LINGO2: variants seen among roughly 807,000 people sequenced by gnomAD.
The protein encoded by LINGO2 is leucine rich repeat and Ig domain containing 2, also known as leucine-rich repeat and immunoglobulin-like domain-containing nogo receptor-interacting protein 2.
LINGO2 carries 14 observed loss-of-function variants against 30.6 expected under a neutral mutation model. The ratio of observed to expected loss-of-function variants is 0.46; its 90% confidence interval spans 0.30 to 0.72. LINGO2 has a LOEUF of 0.72. Among genes scored for constraint, LINGO2 ranks in the 30% least tolerant of loss-of-function variants. The pLI is 0.07. For synonymous variants in LINGO2, 317 were observed against 288.5 expected (o/e 1.10, Z -1.00); for missense variants, 729 against 751.7 (o/e 0.97, Z 0.35).
At chr9:28,798,214 C>A in the LINGO2 span, among the ~76,000 whole-genome samples, 1 of 151,582 alleles carries the variant, frequency 6.6e-6, no homozygotes, top group Non-Finnish European at 1.5e-5. Flanking sequence ...GCCAGACAGA[C>A]AATTTTCTTT....
At chr9:29,044,950 T>G in the LINGO2 span, among the ~76,000 whole-genome samples, 1 of 152,122 alleles carries the variant, frequency 6.6e-6, no homozygotes, top group East Asian at 1.9e-4. Context: ...ATTAAAAAGT[T>G]TTGTAAATAT....
exon 6 of LINGO2, chr9:27,949,044 A>G: frequency 1.9e-6 from 3 of 1,614,084 alleles, no homozygotes; most frequent in Non-Finnish European, 2.5e-6. Flanking sequence ...AGCTGTAGAC[A>G]CCAGTATTGT....
chr9:28,604,905 A>T (rs964360060), intron 1 of LINGO2, among the ~76,000 whole-genome samples: 1 of 152,044 alleles, frequency 6.6e-6, no homozygotes, highest in African/African-American at 2.4e-5. Context: ...ACACTGTGCT[A>T]AGTACTCTTG....
At chr9:29,029,115 C>A in the LINGO2 span, among the ~76,000 whole-genome samples, 1 of 152,066 alleles carries the variant, frequency 6.6e-6, no homozygotes, top group Admixed American at 6.6e-5. Flanking sequence ...GAGGATTTAA[C>A]CTTTCATCTC....
In LINGO2 at chr9:27,961,552, A is replaced by C. The variant is rs146719507; in HGVS notation, c.-35-10846T>G. On this transcript the variant is annotated intron_variant, in intron 5 of 5. Coordinates refer to ENST00000379992, the Ensembl canonical transcript of LINGO2. ...GAAGAGGTAATTAGAGGAATGATTT[A>C]CAAGGGGCTTATACACTGTGATAAG... 1.9e-3 allele frequency among the ~76,000 whole-genome samples: 289 copies of C among 152,320 alleles called. 2 individuals carry two copies. Among genetic ancestry groups the C allele is most frequent in the Middle Eastern group, 0.014 (4 of 294 alleles).
chr9:28,252,986 G>C (rs1196936210), intron 4 of LINGO2, among the ~76,000 whole-genome samples: 1 of 151,762 alleles, frequency 6.6e-6, no homozygotes, highest in East Asian at 1.9e-4. Context: ...TATAATAAAG[G>C]TTTTGTAAGC....
chr9:28,871,331 C>G, the LINGO2 span, among the ~76,000 whole-genome samples: 1 of 151,178 alleles, frequency 6.6e-6, no homozygotes, highest in Non-Finnish European at 1.5e-5. Context: ...ATAATATAAG[C>G]TCATTGAAAA....
intron 5 of LINGO2, among the ~76,000 whole-genome samples, chr9:27,990,220 A>G (rs1052619848): frequency 1.3e-5 from 2 of 152,096 alleles, no homozygotes; most frequent in Non-Finnish European, 2.9e-5. Context: ...CAGCATTTCA[A>G]CAAGATTCAA....
intron 1 of LINGO2, among the ~76,000 whole-genome samples, chr9:28,661,214 T>C (rs1051363966): frequency 6.6e-6 from 1 of 152,276 alleles, no homozygotes; most frequent in African/African-American, 2.4e-5. Flanking sequence ...CTATTCTTTG[T>C]CTTGAAATCC....
At chr9:29,150,341 G>T in the LINGO2 span, among the ~76,000 whole-genome samples, 1 of 152,172 alleles carries the variant, frequency 6.6e-6, no homozygotes, top group South Asian at 2.1e-4. Context: ...ATCAGTGCAA[G>T]AACTCTGGCA....
intron 1 of LINGO2, among the ~76,000 whole-genome samples, chr9:28,613,690 G>A (rs1240904865): frequency 6.6e-6 from 1 of 152,098 alleles, no homozygotes; most frequent in Non-Finnish European, 1.5e-5. Flanking sequence ...AAGGGGGTAA[G>A]GCATAAAGTA....
the LINGO2 span, among the ~76,000 whole-genome samples, chr9:28,864,836 C>T: frequency 5.1e-4 from 78 of 151,964 alleles, no homozygotes; most frequent in African/African-American, 1.8e-3. Context: ...ATTTGTTTTG[C>T]GCTTATCATG....
chr9:28,338,280 A>G (rs752971117), intron 3 of LINGO2, among the ~76,000 whole-genome samples: 2 of 152,172 alleles, frequency 1.3e-5, no homozygotes, highest in Non-Finnish European at 2.9e-5. Context: ...TGTTTTGGCC[A>G]ATTTCTCCCA....
At chr9:28,848,679 T>C in the LINGO2 span, among the ~76,000 whole-genome samples, 2 of 151,562 alleles carry the variant, frequency 1.3e-5, no homozygotes, top group African/African-American at 4.8e-5. Flanking sequence ...TCTTATATTT[T>C]GAGATGACAC....
At chr9:28,698,492 T>C in the LINGO2 span, among the ~76,000 whole-genome samples, 2 of 152,084 alleles carry the variant, frequency 1.3e-5, no homozygotes, top group African/African-American at 4.8e-5. Flanking sequence ...GTTTTGGCAA[T>C]TGTTTTAAAT....
the LINGO2 span, among the ~76,000 whole-genome samples, chr9:28,806,235 T>G: frequency 6.6e-6 from 1 of 152,286 alleles, no homozygotes; most frequent in African/African-American, 2.4e-5. Context: ...TTCCCAGAAA[T>G]TTATGCCTGA....
In LINGO2 at chr9:27,949,115, G is replaced by T. The variant is rs371425825; in HGVS notation, c.1557C>A (p.Thr519=). The stretch of plus-strand genomic sequence containing the variant: ...CATTGGAAATGGTGTCATTGGAGTC[G>T]GTCATGTACATAGGGGTCCTGTTCG... The change falls in exon 6 of 6, where the codon ACC becomes ACA. Residue 519 remains threonine (T), a synonymous_variant. Coordinates refer to ENST00000379992, the Ensembl canonical transcript of LINGO2. 1.9e-6 allele frequency: 3 copies of T among 1,614,000 alleles called. No homozygotes were observed. In the East Asian group the frequency reaches 6.7e-5, roughly 36 times the overall value.
chr9:28,042,600 A>G (rs1358228877), intron 4 of LINGO2, among the ~76,000 whole-genome samples: 1 of 152,172 alleles, frequency 6.6e-6, no homozygotes, highest in East Asian at 1.9e-4. Context: ...TACAAATTCA[A>G]GAGGATATTT....
chr9:28,881,207 C>T, the LINGO2 span, among the ~76,000 whole-genome samples: 1 of 152,036 alleles, frequency 6.6e-6, no homozygotes, highest in Admixed American at 6.6e-5. Flanking sequence ...GGGCAGGCCA[C>T]CCCTTCACCG....
Sources: gnomAD v4.1 joint callset for allele counts (sites outside exome capture counted in the v4.1 genomes callset) on GRCh38, gnomAD v4.1.1 for gene constraint, MANE v1.5 for transcripts, NCBI Gene and HGNC (gene_info 2026-07-23, HGNC 2026-07-21) for gene names.